HAUS7: variants seen among roughly 807,000 people sequenced by gnomAD.
The protein encoded by HAUS7 is HAUS augmin like complex subunit 7, also known as HAUS augmin-like complex subunit 7.
HAUS7 carries 3 observed loss-of-function variants against 28.4 expected under a neutral mutation model. The ratio of observed to expected loss-of-function variants is 0.11; its 90% CI spans 0.05 to 0.27. The LOEUF is 0.27. Among genes scored for constraint, HAUS7 ranks in the 10% least tolerant of loss-of-function variants. The pLI is 1.00. For missense variants in HAUS7, 284 were observed against 297.3 expected, an observed-to-expected ratio of 0.96 and a Z score of 0.33; for synonymous variants, 165 against 132.1, an observed-to-expected ratio of 1.25 and a Z score of -1.71.
At chrX:153,482,480 C>T in intron 1 of HAUS7, 1 of 756,067 alleles carries the variant, frequency 1.3e-6, no homozygotes, top group Non-Finnish European at 1.6e-6. Context: ...GTTCCGGGGG[C>T]AGGGACCGAG....
intron 1 of HAUS7, among the ~76,000 whole-genome samples, chrX:153,476,870 G>A (rs919456051): frequency 1.8e-5 from 2 of 109,971 alleles, no homozygotes; most frequent in Admixed American, 1.9e-4. Context: ...CTCAGCACAA[G>A]TCCGTCAGTG....
At chrX:153,484,973 C>T (rs2089626817) in intron 1 of HAUS7, among the ~76,000 whole-genome samples, 1 of 112,990 alleles carries the variant, frequency 8.9e-6, no homozygotes, top group African/African-American at 3.2e-5. Flanking sequence ...GAAGCCTTCC[C>T]TGCTCCCTCT....
chrX:153,458,259 G>A (rs1054679368), intron 4 of HAUS7, among the ~76,000 whole-genome samples: 4 of 113,196 alleles, frequency 3.5e-5, no homozygotes, highest in African/African-American at 6.4e-5. Context: ...GGACAGGGGC[G>A]ATGGCACTGG....
chrX:153,448,302 C>A (rs1556980478), intron 9 of HAUS7, among the ~76,000 whole-genome samples: 1 of 104,434 alleles, frequency 9.6e-6, no homozygotes, highest in African/African-American at 3.6e-5. Context: ...GGACAAAAAA[C>A]CAAACACCGC....
upstream of HAUS7, among the ~76,000 whole-genome samples, chrX:153,474,079 G>A (rs186991749): frequency 8.9e-6 from 1 of 112,665 alleles, no homozygotes; most frequent in East Asian, 2.8e-4. Context: ...GCTTGGGGGA[G>A]CCCTGCGGCC....
At chrX:153,466,567 G>A (rs2089457499) in intron 2 of HAUS7, among the ~76,000 whole-genome samples, 1 of 111,968 alleles carries the variant, frequency 8.9e-6, no homozygotes, top group African/African-American at 3.3e-5. Flanking sequence ...GGCCCTAAAT[G>A]GGGCTGACAG....
At chrX:153,482,007 A>G (rs1263019576) in intron 1 of HAUS7, 7 of 477,130 alleles carry the variant, frequency 1.5e-5, no homozygotes, top group Admixed American at 9.0e-5. Flanking sequence ...TGAGGCATCC[A>G]CTCACTGCAG....
intron 1 of HAUS7, among the ~76,000 whole-genome samples, chrX:153,479,095 G>T (rs1164663564): frequency 9.2e-6 from 1 of 109,079 alleles, no homozygotes; most frequent in Non-Finnish European, 1.9e-5. Flanking sequence ...GCGTTTGCTC[G>T]ACAGAAGGGG....
chrX:153,469,735 C>G (rs1449427577), intron 1 of HAUS7, among the ~76,000 whole-genome samples: 3 of 112,304 alleles, frequency 2.7e-5, no homozygotes, highest in Non-Finnish European at 5.6e-5. Context: ...CCGCGGCATG[C>G]AGACCCCACC....
chrX:153,456,756 C>T, intron 5 of HAUS7, 105 bp from the exon 6 acceptor site: 3 of 644,839 alleles, frequency 4.7e-6, no homozygotes, highest in South Asian at 5.3e-5. Context: ...GGGCCAGGCA[C>T]AGAGGCCAGG....
intron 1 of HAUS7, chrX:153,494,925 T>A (rs1398547803): frequency 2.3e-5 from 1 of 43,706 alleles, no homozygotes; most frequent in East Asian, 1.0e-3. Flanking sequence ...CGCTGTCCCC[T>A]CCCCGTCGGC....
At chrX:153,461,483 A>G (rs2124111247) in intron 4 of HAUS7, 1 of 110,335 alleles carries the variant, frequency 9.1e-6, no homozygotes, top group South Asian at 3.9e-4. Context: ...AAACTACCCT[A>G]AATTATTAAG....
At chrX:153,482,599 C>T (rs1690104670) in intron 1 of HAUS7, 8 of 713,987 alleles carry the variant, frequency 1.1e-5, no homozygotes, top group African/African-American at 4.7e-5. Flanking sequence ...CTGGCTGGAA[C>T]GCAGAGGAGA....
chrX:153,449,691 T>C (rs1356187722), intron 9 of HAUS7, among the ~76,000 whole-genome samples: 1 of 112,118 alleles, frequency 8.9e-6, no homozygotes, highest in Non-Finnish European at 1.9e-5. Flanking sequence ...GTACTCCAGA[T>C]GGCAGGAGGT....
At chrX:153,486,595 T>C (rs1556988595) in intron 1 of HAUS7, 1 of 972,220 alleles carries the variant, frequency 1.0e-6, no homozygotes, top group Admixed American at 3.0e-5. Context: ...TCCGGGGTCT[T>C]CTCTCCCCTG....
Position 153,470,499 on chromosome X carries a change from C to T in HAUS7, c.59G>A (p.Gly20Asp), listed in dbSNP as rs1556984988. ...AGCCGCCCTGGACACGCTGCTGTCG[C>T]CCTCGTCCTCTGAGTAGTCGTCGCC... ...RGGDDYSEDE[G>D]DSSVSRAAVE... The change falls in exon 1 of 10, where the codon GGC becomes GAC. Residue 20 changes from glycine (G) to aspartate (D), a missense_variant. Transcript: ENST00000370211. 8.3e-7 allele frequency: 1 copy of T among 1,206,206 alleles called. No homozygotes were observed. The highest frequency in any genetic ancestry group is 1.8e-5 in the South Asian group (1 of 56,242).
rs142071928 is a variant in HAUS7, at chrX:153,470,506, C to T, written c.52G>A (p.Asp18Asn). 1,104 of 1,204,570 alleles carry T rather than the reference C, an allele frequency of 9.2e-4. 5 individuals carry two copies. In the African/African-American group the frequency reaches 0.017, roughly 19 times the overall value. ...CGRGGDDYSE[D>N]EGDSSVSRAA... ...CTGGACACGCTGCTGTCGCCCTCGT[C>T]CTCTGAGTAGTCGTCGCCGCCACGG... The change falls in exon 1 of 10, where the codon GAC becomes AAC. Residue 18 changes from aspartate to asparagine, a missense_variant. Asp to Asn is a conservative substitution (Grantham distance 23). Transcript: ENST00000370211.
intron 1 of HAUS7, among the ~76,000 whole-genome samples, chrX:153,485,098 T>C (rs1481124963): frequency 8.9e-6 from 1 of 112,144 alleles, no homozygotes; most frequent in Non-Finnish European, 1.9e-5. Flanking sequence ...GAGTCAGGTG[T>C]CCACCATGGA....
Position 153,485,757 on chromosome X carries a change from C to T in HAUS7, c.-589+9617G>A, listed in dbSNP as rs2089632345. On this transcript the variant is annotated intron_variant, in intron 1 of 5. Coordinates refer to the HAUS7 transcript ENST00000370210. ...CGTCAGCTCCCTCTGCCCCTGTGTG[C>T]CCCGCCCCACAGGAAGCTGGAGACC... 9.6e-6 allele frequency: 8 copies of T among 833,876 alleles called. No homozygotes were observed. The South Asian group carries it at 2.9e-4, about 30-fold the overall frequency. 68.7% of individuals were successfully genotyped at this position (833,876 alleles called of 1,213,427 possible).
Sources: gnomAD v4.1 joint callset for allele counts (sites outside exome capture counted in the v4.1 genomes callset) on GRCh38, gnomAD v4.1.1 for gene constraint, MANE v1.5 for transcripts, NCBI Gene and HGNC (gene_info 2026-07-23, HGNC 2026-07-21) for gene names.